Variants in BCL2L1 observed in about 807,000 individuals in gnomAD.
BCL2L1 encodes the protein BCL2 like 1, also known as bcl-2-like protein 1.
BCL2L1 carries 1 observed loss-of-function variant against 18.7 expected under a neutral mutation model. That is an observed-to-expected ratio of 0.05 (90% CI 0.02 to 0.25). The LOEUF is 0.25. Among genes scored for constraint, BCL2L1 ranks in the 10% least tolerant of loss-of-function variants. BCL2L1 has a pLI of 1.00. For missense variants in BCL2L1, 207 were observed against 304.9 expected, an observed-to-expected ratio of 0.68 and a Z score of 2.39; for synonymous variants, 103 against 122.7, an observed-to-expected ratio of 0.84 and a Z score of 1.06.
intron 2 of BCL2L1, among the ~76,000 whole-genome samples, chr20:31,704,744 C>A (rs2061344160): frequency 6.6e-6 from 1 of 151,588 alleles, no homozygotes; most frequent in Admixed American, 6.6e-5. Flanking sequence ...CTGGAATGCA[C>A]CCCCCCAACG....
intron 2 of BCL2L1, among the ~76,000 whole-genome samples, chr20:31,716,139 T>C (rs1568900273): frequency 1.3e-5 from 2 of 152,206 alleles, no homozygotes; most frequent in Non-Finnish European, 2.9e-5. Context: ...TCATATTTTG[T>C]AGGATTCCTG....
At chr20:31,684,659 G>A (rs1029740501) in intron 2 of BCL2L1, among the ~76,000 whole-genome samples, 3 of 152,152 alleles carry the variant, frequency 2.0e-5, no homozygotes, top group African/African-American at 7.2e-5. Flanking sequence ...TCCACATTCC[G>A]GATGGTCTGT....
chr20:31,689,932 G>T (rs1388643136), intron 2 of BCL2L1, among the ~76,000 whole-genome samples: 1 of 152,224 alleles, frequency 6.6e-6, no homozygotes, highest in African/African-American at 2.4e-5. Context: ...CAGGAGAATT[G>T]CTTGAACCCA....
At chr20:31,719,527 C>T (rs2061590522) in intron 2 of BCL2L1, among the ~76,000 whole-genome samples, 2 of 152,168 alleles carry the variant, frequency 1.3e-5, no homozygotes. Context: ...AATGTGTGCT[C>T]AGAAATGGTT....
At chr20:31,699,491 C>T (rs530356103) in intron 2 of BCL2L1, among the ~76,000 whole-genome samples, 46 of 152,324 alleles carry the variant, frequency 3.0e-4, no homozygotes, top group African/African-American at 1.0e-3. Context: ...CTGGAGGCAT[C>T]CTCCTGAAGA....
intron 2 of BCL2L1, among the ~76,000 whole-genome samples, chr20:31,709,304 G>A (rs1001367912): frequency 5.3e-5 from 8 of 152,124 alleles, no homozygotes; most frequent in South Asian, 2.1e-4. Flanking sequence ...GTTCTTACCC[G>A]TCTGGCCTGC....
chr20:31,719,394 C>T (rs930061316), intron 2 of BCL2L1, among the ~76,000 whole-genome samples: 2 of 152,154 alleles, frequency 1.3e-5, no homozygotes, highest in African/African-American at 4.8e-5. Flanking sequence ...CCGATGCCAC[C>T]ACAGTAGCCA....
In BCL2L1 at chr20:31,664,617, G is replaced by A. The variant is rs1292181067; in HGVS notation, c.*1332C>T. 1 of 212,838 alleles carries A rather than the reference G, an allele frequency of 4.7e-6. No individual in the cohort carries two copies. Among genetic ancestry groups the A allele is most frequent in the Non-Finnish European group, 9.5e-6 (1 of 104,758 alleles). The allele number at this position is 212,838 out of a possible 1,614,324, so 13.2% of individuals were successfully genotyped here. On this transcript the variant is annotated 3_prime_UTR_variant, in exon 3 of 3. Transcript: ENST00000307677. Reference sequence around the variant, plus strand: ...GCTTCCCTGGACCAGGGCAGGGGAGGGAGCATCAGGCCGTCCAATCTCCGG... The same window carrying A: ...GCTTCCCTGGACCAGGGCAGGGGAGAGAGCATCAGGCCGTCCAATCTCCGG...
At chr20:31,671,271 G>A (rs2060664746) in intron 2 of BCL2L1, among the ~76,000 whole-genome samples, 1 of 152,044 alleles carries the variant, frequency 6.6e-6, no homozygotes, top group Non-Finnish European at 1.5e-5. Context: ...GCCTACACTA[G>A]AAAACTGGGT....
intron 2 of BCL2L1, among the ~76,000 whole-genome samples, chr20:31,671,158 A>G (rs1256762926): frequency 6.6e-6 from 1 of 151,728 alleles, no homozygotes; most frequent in Non-Finnish European, 1.5e-5. Context: ...ATGGCTAATG[A>G]CCTCCACAGG....
intron 2 of BCL2L1, chr20:31,716,496 G>A (rs2061539676): frequency 6.6e-6 from 1 of 152,206 alleles, no homozygotes; most frequent in South Asian, 2.1e-4. Context: ...TACACAGTAG[G>A]AGCTCAATAA....
At chr20:31,666,885 G>C (rs1329659575) in intron 2 of BCL2L1, among the ~76,000 whole-genome samples, 3 of 152,200 alleles carry the variant, frequency 2.0e-5, no homozygotes, top group Non-Finnish European at 2.9e-5. Flanking sequence ...GCACATGACA[G>C]GGGGAAGGAG....
At chr20:31,678,603 T>C (rs1442725181) in intron 2 of BCL2L1, among the ~76,000 whole-genome samples, 1 of 151,590 alleles carries the variant, frequency 6.6e-6, no homozygotes, top group Non-Finnish European at 1.5e-5. Flanking sequence ...CACAAAGGAG[T>C]CTGATCCTTC....
chr20:31,691,848 G>C (rs1357784616), intron 2 of BCL2L1, among the ~76,000 whole-genome samples: 2 of 152,158 alleles, frequency 1.3e-5, no homozygotes, highest in Admixed American at 6.6e-5. Context: ...AAAACCGCAA[G>C]ATACCATCTC....
chr20:31,686,582 A>T (rs1195449159), intron 2 of BCL2L1, among the ~76,000 whole-genome samples: 3 of 152,110 alleles, frequency 2.0e-5, no homozygotes, highest in African/African-American at 7.2e-5. Flanking sequence ...TTACAGCCCC[A>T]CTTCTCTGTT....
Position 31,703,290 on chromosome 20 carries a change from G to A in BCL2L1, c.564+18365C>T, listed in dbSNP as rs569146521. ...AACTCATTACCTCAGGTGATCACCC[G>A]CCTTGGTGTCCCAATGTGCTGGGAT... On this transcript the variant is annotated intron_variant, in intron 2 of 2. Coordinates refer to ENST00000307677, the MANE Select transcript of BCL2L1 (RefSeq NM_138578.3). Among the ~76,000 whole-genome samples, 10 of 151,710 alleles carry A rather than the reference G, an allele frequency of 6.6e-5. No homozygotes were observed. In the East Asian group the frequency reaches 1.2e-3, roughly 18 times the overall value.
intron 2 of BCL2L1, among the ~76,000 whole-genome samples, chr20:31,689,806 G>A (rs1178232693): frequency 2.0e-5 from 3 of 152,168 alleles, no homozygotes; most frequent in Non-Finnish European, 4.4e-5. Flanking sequence ...ACTTGAGGTT[G>A]GGAGTTCAAG....
At chr20:31,681,747 A>G (rs1034300250) in intron 2 of BCL2L1, among the ~76,000 whole-genome samples, 1 of 152,244 alleles carries the variant, frequency 6.6e-6, no homozygotes, top group Non-Finnish European at 1.5e-5. Context: ...TCCCATCTAT[A>G]AAAGGCGAGA....
intron 2 of BCL2L1, among the ~76,000 whole-genome samples, chr20:31,709,014 CCTGCAGCT>C (rs1293235065): frequency 6.6e-6 from 1 of 152,184 alleles, no homozygotes; most frequent in Non-Finnish European, 1.5e-5. Context: ...CTTTTCTCTC[CCTGCAGCT>C]CTGCCTGCTG....
Sources: gnomAD v4.1 joint callset for allele counts (sites outside exome capture counted in the v4.1 genomes callset) on GRCh38, gnomAD v4.1.1 for gene constraint, MANE v1.5 for transcripts, NCBI Gene and HGNC (gene_info 2026-07-23, HGNC 2026-07-21) for gene names.